MAF: variants seen among roughly 807,000 people sequenced by gnomAD.
The protein encoded by MAF is transcription factor Maf.
Under a neutral mutation model 22.0 loss-of-function variants are expected in MAF, and 10 were observed. The ratio of observed to expected loss-of-function variants is 0.45; its 90% CI spans 0.28 to 0.77. The LOEUF is 0.77. Among genes scored for constraint, MAF ranks in the 30% least tolerant of loss-of-function variants. MAF has a pLI of 0.12. For missense variants in MAF, 544 were observed against 548.4 expected (o/e 0.99, Z 0.08); for synonymous variants, 337 against 255.8 (o/e 1.32, Z -3.03).
At chr16:79,562,933 CA>C in the MAF span, among the ~76,000 whole-genome samples, 1 of 152,104 alleles carries the variant, frequency 6.6e-6, no homozygotes, top group Non-Finnish European at 1.5e-5. Context: ...TCAAACAAAA[CA>C]AAAGCAAAAA....
At chr16:79,433,654 G>T in the MAF span, among the ~76,000 whole-genome samples, 1 of 152,182 alleles carries the variant, frequency 6.6e-6, no homozygotes, top group East Asian at 1.9e-4. Context: ...AGCCGGGAGG[G>T]AGTGCTCAAA....
At chr16:79,340,257 C>A in the MAF span, among the ~76,000 whole-genome samples, 2 of 151,942 alleles carry the variant, frequency 1.3e-5, no homozygotes, top group African/African-American at 4.8e-5. Flanking sequence ...TCTACCTCTT[C>A]CTGCCTGCCT....
At chr16:79,347,606 G>A in the MAF span, among the ~76,000 whole-genome samples, 2 of 152,194 alleles carry the variant, frequency 1.3e-5, no homozygotes, top group African/African-American at 4.8e-5. Context: ...AAGCGGCAGG[G>A]GAGGTGTCAG....
At chr16:79,391,347 G>A in the MAF span, among the ~76,000 whole-genome samples, 1 of 152,008 alleles carries the variant, frequency 6.6e-6, no homozygotes, top group Non-Finnish European at 1.5e-5. Context: ...ATTTTTGGGG[G>A]GCTTTTCTCT....
rs940716115 is a variant in MAF, at chr16:79,600,312, C to T, written c.-410G>A. ...CCCCCGCTCGCCGCTCCGCTGCGCG[C>T]TTTGCATAAGGAAGGGCTCGCCTCG... On this transcript the variant is annotated 5_prime_UTR_variant, in exon 1 of 2. Transcript: ENST00000326043. 4.7e-6 allele frequency: 1 copy of T among 214,294 alleles called. No homozygotes were observed. The highest frequency in any genetic ancestry group is 1.0e-5 in the Non-Finnish European group (1 of 98,684). The allele number at this position is 214,294 out of a possible 1,614,324, so 13.3% of individuals were successfully genotyped here. A position where few individuals can be genotyped will look rare whatever the true frequency, so the allele number is the denominator to read the frequency against.
At chr16:79,403,705 C>T in the MAF span, among the ~76,000 whole-genome samples, 1 of 152,168 alleles carries the variant, frequency 6.6e-6, no homozygotes, top group Non-Finnish European at 1.5e-5. Flanking sequence ...CCTATATGGA[C>T]TATGAAACTT....
chr16:79,432,151 G>C, the MAF span, among the ~76,000 whole-genome samples: 6 of 152,174 alleles, frequency 3.9e-5, no homozygotes, highest in Admixed American at 2.0e-4. Context: ...TCCACTGATA[G>C]TGAGTGAGTT....
the MAF span, among the ~76,000 whole-genome samples, chr16:79,250,690 C>G: frequency 7.7e-4 from 118 of 152,264 alleles, 1 homozygote; most frequent in East Asian, 3.3e-3. Flanking sequence ...TATAGAGAAT[C>G]TGGGATTCTA....
chr16:79,209,783 G>C, the MAF span, among the ~76,000 whole-genome samples: 1,770 of 152,254 alleles, frequency 0.012, 13 homozygotes, highest in Non-Finnish European at 0.018. Context: ...TCCCCACATG[G>C]GATGCAGAAG....
the MAF span, among the ~76,000 whole-genome samples, chr16:79,567,625 A>G: frequency 6.6e-6 from 1 of 152,232 alleles, no homozygotes; most frequent in African/African-American, 2.4e-5. Flanking sequence ...TGAGGGCTTC[A>G]GAAGGTGAAG....
At chr16:79,504,091 G>C in the MAF span, among the ~76,000 whole-genome samples, 2 of 152,272 alleles carry the variant, frequency 1.3e-5, no homozygotes, top group African/African-American at 2.4e-5. Flanking sequence ...CTATCAGAGG[G>C]TGTTATCTAA....
chr16:79,238,205 AT>A, the MAF span, among the ~76,000 whole-genome samples: 1 of 152,188 alleles, frequency 6.6e-6, no homozygotes, highest in Non-Finnish European at 1.5e-5. Context: ...AGAGCCCAGC[AT>A]CCCCACAACT....
At chr16:79,464,768 G>A in the MAF span, among the ~76,000 whole-genome samples, 1 of 152,198 alleles carries the variant, frequency 6.6e-6, no homozygotes, top group South Asian at 2.1e-4. Flanking sequence ...CCCAAAATTA[G>A]ACACGTCCCT....
chr16:79,571,184 A>C, the MAF span, among the ~76,000 whole-genome samples: 2 of 152,130 alleles, frequency 1.3e-5, no homozygotes, highest in Non-Finnish European at 2.9e-5. Context: ...AGAGAAGTAC[A>C]TCTCATAGAT....
the MAF span, among the ~76,000 whole-genome samples, chr16:79,293,490 G>C: frequency 6.6e-6 from 1 of 152,094 alleles, no homozygotes; most frequent in African/African-American, 2.4e-5. Flanking sequence ...GTAATATACT[G>C]CTTTTTCCTT....
At chr16:79,375,391 C>T in the MAF span, among the ~76,000 whole-genome samples, 1 of 152,160 alleles carries the variant, frequency 6.6e-6, no homozygotes, top group East Asian at 1.9e-4. Context: ...ATAGTTCACA[C>T]ACAGACCTCA....
chr16:79,428,452 T>C, the MAF span, among the ~76,000 whole-genome samples: 1 of 152,044 alleles, frequency 6.6e-6, no homozygotes, highest in African/African-American at 2.4e-5. Context: ...TCCCTTGGAG[T>C]CCCAAACTGG....
chr16:79,563,707 G>A, the MAF span, among the ~76,000 whole-genome samples: 1 of 151,706 alleles, frequency 6.6e-6, no homozygotes, highest in Admixed American at 6.6e-5. Flanking sequence ...TTATTGGACA[G>A]CTATAGATGT....
the MAF span, among the ~76,000 whole-genome samples, chr16:79,559,928 G>A: frequency 1.3e-5 from 2 of 152,106 alleles, no homozygotes; most frequent in African/African-American, 4.8e-5. Context: ...TTTTGAGACA[G>A]GGTCTGGCTC....
Sources: gnomAD v4.1 joint callset for allele counts (sites outside exome capture counted in the v4.1 genomes callset) on GRCh38, gnomAD v4.1.1 for gene constraint, MANE v1.5 for transcripts, NCBI Gene and HGNC (gene_info 2026-07-23, HGNC 2026-07-21) for gene names.